The following PDZRN4 variants were observed in gnomAD, a reference collection of about 807,000 sequenced individuals.
The protein encoded by PDZRN4 is PDZ domain-containing RING finger protein 4.
Under a neutral mutation model 99.0 loss-of-function variants are expected in PDZRN4, and 70 were observed. The observed-to-expected ratio is 0.71, with a 90% CI of 0.58 to 0.86. PDZRN4 has a LOEUF of 0.86. PDZRN4 is among the 40% of genes least tolerant of loss of function. The probability of loss-of-function intolerance (pLI) is 0.00; values close to 1 mark genes in which losing one functional copy is unlikely to be tolerated. For missense variants in PDZRN4, 1,474 were observed against 1,331.2 expected, an observed-to-expected ratio of 1.11 and a Z score of -1.67; for synonymous variants, 551 against 501.6, an observed-to-expected ratio of 1.10 and a Z score of -1.32.
intron 3 of PDZRN4, among the ~76,000 whole-genome samples, chr12:41,330,063 T>C (rs1188603095): frequency 6.6e-6 from 1 of 152,140 alleles, no homozygotes; most frequent in Admixed American, 6.6e-5. Context: ...CATTTAAAAA[T>C]CCTTTGTTAT....
At chr12:41,535,240 T>C (rs1352458844) in intron 5 of PDZRN4, among the ~76,000 whole-genome samples, 1 of 152,208 alleles carries the variant, frequency 6.6e-6, no homozygotes, top group Non-Finnish European at 1.5e-5. Flanking sequence ...TCATGATGCG[T>C]TGTTTCTTTG....
intron 3 of PDZRN4, among the ~76,000 whole-genome samples, chr12:41,367,909 G>T (rs1260354294): frequency 6.6e-6 from 1 of 152,050 alleles, no homozygotes; most frequent in African/African-American, 2.4e-5. Context: ...GAAATCATTG[G>T]CACTGAGTTT....
intron 9 of PDZRN4, among the ~76,000 whole-genome samples, chr12:41,571,229 T>C (rs954847061): frequency 2.6e-5 from 4 of 152,028 alleles, no homozygotes; most frequent in Non-Finnish European, 5.9e-5. Flanking sequence ...TGATGACTGA[T>C]AGAGGTGAAA....
intron 3 of PDZRN4, among the ~76,000 whole-genome samples, chr12:41,309,613 G>A (rs1403129250): frequency 6.6e-6 from 1 of 152,128 alleles, no homozygotes; most frequent in African/African-American, 2.4e-5. Context: ...TTAAAAATAT[G>A]ACTGTTAGAA....
intron 8 of PDZRN4, among the ~76,000 whole-genome samples, chr12:41,565,965 C>A (rs1386900138): frequency 6.6e-6 from 1 of 152,086 alleles, no homozygotes; most frequent in African/African-American, 2.4e-5. Flanking sequence ...TCTGTCTCTG[C>A]CGTTACATTA....
At chr12:41,449,772 C>T (rs1250403421) in intron 3 of PDZRN4, among the ~76,000 whole-genome samples, 2 of 152,114 alleles carry the variant, frequency 1.3e-5, no homozygotes, top group Non-Finnish European at 2.9e-5. Context: ...AATTGTGATG[C>T]ATCTCCTTTT....
intron 3 of PDZRN4, among the ~76,000 whole-genome samples, chr12:41,443,044 T>A (rs1002939939): frequency 6.6e-6 from 1 of 152,136 alleles, no homozygotes; most frequent in Admixed American, 6.6e-5. Flanking sequence ...GCAGATGTCT[T>A]AAACTCTAGA....
At chr12:41,208,246 A>C (rs1375527811) in intron 3 of PDZRN4, among the ~76,000 whole-genome samples, 1 of 151,972 alleles carries the variant, frequency 6.6e-6, no homozygotes, top group African/African-American at 2.4e-5. Context: ...CTTTACAATT[A>C]AGACTTGACT....
intron 3 of PDZRN4, among the ~76,000 whole-genome samples, chr12:41,418,548 A>G (rs529292042): frequency 3.3e-5 from 5 of 152,180 alleles, no homozygotes; most frequent in Non-Finnish European, 7.3e-5. Context: ...TGCAAATCTA[A>G]AAGCAAGCTT....
chr12:41,572,158 G>A (rs191113879), intron 9 of PDZRN4, among the ~76,000 whole-genome samples: 110 of 152,160 alleles, frequency 7.2e-4, no homozygotes, highest in Non-Finnish European at 1.3e-3. Flanking sequence ...ATATTCAAGC[G>A]GGTTTTGTTT....
intron 3 of PDZRN4, among the ~76,000 whole-genome samples, chr12:41,217,780 C>T (rs1196715522): frequency 6.6e-6 from 1 of 151,948 alleles, no homozygotes; most frequent in Admixed American, 6.6e-5. Flanking sequence ...TGTGAGCTGC[C>T]AACAAGATAG....
At chr12:41,380,791 T>C (rs1952119440) in intron 3 of PDZRN4, among the ~76,000 whole-genome samples, 1 of 152,150 alleles carries the variant, frequency 6.6e-6, no homozygotes, top group Admixed American at 6.5e-5. Context: ...TAAAGAATTC[T>C]AAATCTAACT....
At chr12:41,439,037 G>A (rs988037575) in intron 3 of PDZRN4, among the ~76,000 whole-genome samples, 1 of 152,074 alleles carries the variant, frequency 6.6e-6, no homozygotes, top group Non-Finnish European at 1.5e-5. Flanking sequence ...TTTCACAGTG[G>A]GCTAATTACA....
chr12:41,219,312 A>G (rs1393556702), intron 3 of PDZRN4, among the ~76,000 whole-genome samples: 1 of 152,094 alleles, frequency 6.6e-6, no homozygotes, highest in Non-Finnish European at 1.5e-5. Flanking sequence ...ATGATTGAGT[A>G]GGAGTTCAGT....
intron 3 of PDZRN4, among the ~76,000 whole-genome samples, chr12:41,490,567 C>CATATATT (rs1421728756): frequency 2.6e-5 from 4 of 151,966 alleles, no homozygotes; most frequent in African/African-American, 9.7e-5. Context: ...TATATATGTG[C>CATATATT]ATATATTATA....
At chr12:41,482,176 G>A (rs1367733998) in intron 3 of PDZRN4, among the ~76,000 whole-genome samples, 1 of 152,100 alleles carries the variant, frequency 6.6e-6, no homozygotes, top group Non-Finnish European at 1.5e-5. Flanking sequence ...GGCTGCCACA[G>A]CTGTAAGCAT....
intron 8 of PDZRN4, 76 bp from the exon 9 acceptor site, chr12:41,567,707 C>T (rs529051808): frequency 6.5e-4 from 514 of 786,780 alleles, no homozygotes; most frequent in Non-Finnish European, 8.7e-4. Context: ...CGTCGGGCAC[C>T]GGCCATTTAA....
intron 3 of PDZRN4, chr12:41,409,946 T>G (rs755684708): frequency 3.3e-5 from 5 of 152,222 alleles, no homozygotes. Context: ...GGCTATCTTC[T>G]TATATGGACA....
At chr12:41,451,539 G>T (rs935055666) in intron 3 of PDZRN4, among the ~76,000 whole-genome samples, 9 of 152,134 alleles carry the variant, frequency 5.9e-5, no homozygotes, top group Middle Eastern at 3.2e-3. Context: ...TAAATTTCAG[G>T]AAGATGAAAA....
Sources: allele counts gnomAD v4.1 joint callset (sites outside exome capture counted in the v4.1 genomes callset), GRCh38; gene constraint gnomAD v4.1.1; transcripts MANE v1.5; gene names NCBI Gene and HGNC (gene_info 2026-07-23, HGNC 2026-07-21).